Variants in DLGAP2 observed in about 807,000 individuals in gnomAD.
DLGAP2 encodes the protein disks large-associated protein 2.
Under a neutral mutation model 100.3 loss-of-function variants are expected in DLGAP2, and 26 were observed. That is an observed-to-expected ratio of 0.26 (90% CI 0.19 to 0.36). The LOEUF is 0.36. DLGAP2 is among the 10% of genes least tolerant of loss of function. DLGAP2 has a pLI of 1.00. For missense variants in DLGAP2, 1,858 were observed against 1,453.2 expected (o/e 1.28, Z -4.53); for synonymous variants, 886 against 630.1 (o/e 1.41, Z -6.08).
At chr8:1,242,450 G>A (rs1265702463) in intron 2 of DLGAP2, among the ~76,000 whole-genome samples, 6 of 152,206 alleles carry the variant, frequency 3.9e-5, no homozygotes, top group Admixed American at 3.9e-4. Context: ...TCCTGGCCAC[G>A]GACCTTGTTC....
At chr8:1,120,646 C>G (rs949652298) in intron 2 of DLGAP2, among the ~76,000 whole-genome samples, 1 of 151,816 alleles carries the variant, frequency 6.6e-6, no homozygotes, top group Non-Finnish European at 1.5e-5. Flanking sequence ...CTTCAGAACT[C>G]ATGACTATAA....
intron 1 of DLGAP2, among the ~76,000 whole-genome samples, chr8:813,066 A>C (rs1373579705): frequency 6.6e-6 from 1 of 152,234 alleles, no homozygotes; most frequent in Non-Finnish European, 1.5e-5. Flanking sequence ...GCTTTGCTAT[A>C]GCTGCTTCTT....
At position 822,129 on chromosome 8, in the gene DLGAP2, C is replaced by T. The variant is rs77422524; in HGVS notation, c.18+84304C>T. ...TCCGAGGCTTGGCCCTAGCCCTGCG[C>T]GGCTTCCCTCGCGGCTGCTAACCCT... On this transcript the variant is annotated intron_variant, in intron 1 of 14. Transcript: ENST00000637795. The T allele has an allele frequency of 0.012, 4,596 of 399,582 alleles. 320 individuals carry two copies. The East Asian group carries it at 0.15, about 13-fold the overall frequency. 24.8% of individuals were successfully genotyped at this position (399,582 alleles called of 1,614,324 possible). A position where few individuals can be genotyped will look rare whatever the true frequency, so the allele number is the denominator to read the frequency against.
intron 3 of DLGAP2, among the ~76,000 whole-genome samples, chr8:1,486,642 G>T (rs997019087): frequency 6.6e-6 from 1 of 152,154 alleles, no homozygotes; most frequent in Non-Finnish European, 1.5e-5. Context: ...TAACAGAACT[G>T]CATTTGTCTC....
intron 2 of DLGAP2, among the ~76,000 whole-genome samples, chr8:1,194,085 A>T (rs560581178): frequency 1.3e-5 from 2 of 152,238 alleles, no homozygotes; most frequent in East Asian, 3.9e-4. Context: ...GGGATGCCGC[A>T]GTATACCAAG....
At chr8:779,131 G>C (rs918872768) in intron 1 of DLGAP2, among the ~76,000 whole-genome samples, 1 of 152,252 alleles carries the variant, frequency 6.6e-6, no homozygotes, top group African/African-American at 2.4e-5. Flanking sequence ...CCCTTTCTTT[G>C]ACTAGGAAAG....
chr8:861,369 C>A (rs1797386843), intron 1 of DLGAP2, among the ~76,000 whole-genome samples: 1 of 152,092 alleles, frequency 6.6e-6, no homozygotes, highest in African/African-American at 2.4e-5. Flanking sequence ...TGGAACCCCT[C>A]CTCACACATA....
At chr8:1,381,666 A>G (rs141227598) in intron 3 of DLGAP2, among the ~76,000 whole-genome samples, 59 of 152,124 alleles carry the variant, frequency 3.9e-4, no homozygotes, top group Non-Finnish European at 8.4e-4. Flanking sequence ...AAGTGAGGCC[A>G]CTCAGTGTTT....
intron 3 of DLGAP2, among the ~76,000 whole-genome samples, chr8:1,336,972 T>A (rs545992483): frequency 8.5e-5 from 13 of 152,326 alleles, no homozygotes; most frequent in Admixed American, 3.9e-4. Context: ...AAAATGAAGA[T>A]ATTATTGACC....
intron 1 of DLGAP2, among the ~76,000 whole-genome samples, chr8:773,676 C>G (rs1821428321): frequency 1.3e-5 from 2 of 151,856 alleles, no homozygotes; most frequent in Non-Finnish European, 2.9e-5. Context: ...AGGACATGAA[C>G]TCATCATTTT....
intron 1 of DLGAP2, among the ~76,000 whole-genome samples, chr8:840,845 C>G (rs1013212981): frequency 6.6e-6 from 1 of 152,238 alleles, no homozygotes; most frequent in Non-Finnish European, 1.5e-5. Context: ...TGGGGCACAT[C>G]GTGCATTCGT....
At chr8:805,009 G>T (rs1796241363) in intron 1 of DLGAP2, among the ~76,000 whole-genome samples, 1 of 152,126 alleles carries the variant, frequency 6.6e-6, no homozygotes, top group Non-Finnish European at 1.5e-5. Context: ...AGGCTCAAGT[G>T]ATTGGCCTGC....
intron 1 of DLGAP2, among the ~76,000 whole-genome samples, chr8:788,816 A>G (rs943166510): frequency 6.6e-6 from 1 of 152,142 alleles, no homozygotes. Context: ...ACTTTATCGA[A>G]AGGTTAATGC....
chr8:779,239 C>G (rs1362859951), intron 1 of DLGAP2, among the ~76,000 whole-genome samples: 5 of 152,362 alleles, frequency 3.3e-5, no homozygotes, highest in African/African-American at 9.6e-5. Flanking sequence ...TGCCCACTCT[C>G]TGGCCCTCCC....
intron 3 of DLGAP2, among the ~76,000 whole-genome samples, chr8:1,410,990 C>T (rs17680989): frequency 0.13 from 20,370 of 152,160 alleles, 1,564 homozygotes; most frequent in East Asian, 0.29. Context: ...GTTACTTTGA[C>T]TTGCCAGCTA....
rs770415974 is a variant in DLGAP2, at chr8:1,678,217, C to G, written c.2292C>G (p.His764Gln). 5.1e-5 allele frequency: 82 copies of G among 1,607,294 alleles called. No homozygotes were observed. The highest frequency in any genetic ancestry group is 5.5e-5 in the Non-Finnish European group (65 of 1,175,750). The change falls in exon 12 of 15, where the codon CAC (histidine) becomes CAG (glutamine). Residue 764 changes from histidine (H) to glutamine (Q), a missense_variant. Transcript: ENST00000637795. The part of the protein sequence containing the change: ...VGVQVEDEKR[H>Q]GRFKRSNSVT... ...TCTTCCTTCCCTCCTTTTGCAGACA[C>G]GGACGTTTTAAACGTTCTAACAGCG...
chr8:1,197,894 A>G (rs1459870524), intron 2 of DLGAP2, among the ~76,000 whole-genome samples: 1 of 152,026 alleles, frequency 6.6e-6, no homozygotes, highest in Non-Finnish European at 1.5e-5. Context: ...GTTTCCTCTC[A>G]TGGGGAATGA....
At chr8:859,380 G>A (rs1018181179) in intron 1 of DLGAP2, among the ~76,000 whole-genome samples, 9 of 152,158 alleles carry the variant, frequency 5.9e-5, no homozygotes, top group Admixed American at 5.2e-4. Context: ...CCAAAGGGCT[G>A]GGATTACAGG....
intron 1 of DLGAP2, among the ~76,000 whole-genome samples, chr8:814,244 G>A (rs747896538): frequency 2.0e-4 from 31 of 152,164 alleles, no homozygotes; most frequent in Admixed American, 1.7e-3. Context: ...TGAGTTAAGC[G>A]ACTGGCCCCA....
Sources: gnomAD v4.1 joint callset for allele counts (sites outside exome capture counted in the v4.1 genomes callset) on GRCh38, gnomAD v4.1.1 for gene constraint, MANE v1.5 for transcripts, NCBI Gene and HGNC (gene_info 2026-07-23, HGNC 2026-07-21) for gene names.